Variants in NODAL observed in about 807,000 individuals in gnomAD.
NODAL encodes the protein nodal growth differentiation factor.
A neutral mutation model predicts 34.0 loss-of-function variants in NODAL; 12 were observed. The ratio of observed to expected loss-of-function variants is 0.35; its 90% CI spans 0.23 to 0.57. The LOEUF is 0.57. NODAL is among the 20% of genes least tolerant of loss of function. The pLI is 0.83. For missense variants in NODAL, 390 were observed against 444.2 expected, an observed-to-expected ratio of 0.88 and a Z score of 1.10; for synonymous variants, 162 against 186.4, an observed-to-expected ratio of 0.87 and a Z score of 1.07.
Position 70,432,259 on chromosome 10 carries a change from G to T in NODAL, c.*677C>A, listed in dbSNP as rs184218697. ...ATGTCTTCTGTAACCCAACATGGCCGGTCCTCTTGGATGAGTTCCTGCCTC... is the reference window on the plus strand; with the variant it reads ...ATGTCTTCTGTAACCCAACATGGCCTGTCCTCTTGGATGAGTTCCTGCCTC... On this transcript the variant is annotated 3_prime_UTR_variant, in exon 3 of 3. Coordinates refer to ENST00000287139, the MANE Select transcript of NODAL (RefSeq NM_018055.5). 6.5e-6 allele frequency: 1 copy of T among 154,472 alleles called. No homozygotes were observed. Among genetic ancestry groups the T allele is most frequent in the Non-Finnish European group, 1.4e-5 (1 of 69,518 alleles). 9.6% of individuals were successfully genotyped at this position (154,472 alleles called of 1,614,324 possible). A position where few individuals can be genotyped will look rare whatever the true frequency, so the allele number is the denominator to read the frequency against.
upstream of NODAL, chr10:70,441,765 T>A: frequency 7.9e-7 from 1 of 1,270,498 alleles, no homozygotes; most frequent in Non-Finnish European, 1.1e-6. Context: ...GGGGAAGCTT[T>A]AAGATCATAT....
chr10:70,444,757 C>T (rs1348473969), upstream of NODAL, among the ~76,000 whole-genome samples: 3 of 152,168 alleles, frequency 2.0e-5, no homozygotes, highest in East Asian at 5.8e-4. Flanking sequence ...CCCATGTAGA[C>T]TAAACGAAAT....
intron 2 of NODAL, among the ~76,000 whole-genome samples, chr10:70,434,218 A>G (rs2231949): frequency 2.0e-5 from 3 of 152,132 alleles, no homozygotes; most frequent in East Asian, 3.9e-4. Flanking sequence ...AGGGCCACCT[A>G]TAACATCAGA....
chr10:70,444,669 T>C (rs1845469040), upstream of NODAL, among the ~76,000 whole-genome samples: 1 of 152,214 alleles, frequency 6.6e-6, no homozygotes, highest in Non-Finnish European at 1.5e-5. Context: ...CCACATGGGC[T>C]AGGGTTCTTG....
chr10:70,442,502 T>C (rs980658966), upstream of NODAL, among the ~76,000 whole-genome samples: 3 of 152,320 alleles, frequency 2.0e-5, no homozygotes, highest in East Asian at 3.9e-4. Context: ...CAGCTTTCCT[T>C]ATTTGCACAA....
Position 70,432,751 on chromosome 10 carries a change from T to C in NODAL, c.*185A>G. On this transcript the variant is annotated 3_prime_UTR_variant, in exon 3 of 3. Coordinates refer to ENST00000287139, the MANE Select transcript of NODAL (RefSeq NM_018055.5). ...TCCCTCTTCCTGACAGCAGCCTCTG[T>C]GCTTGGCCAGACTCCACTGAGCCCT... 3.0e-6 allele frequency: 2 copies of C among 675,500 alleles called. No individual in the cohort carries two copies. The highest frequency in any genetic ancestry group is 5.3e-6 in the Non-Finnish European group (2 of 379,048). The allele number at this position is 675,500 out of a possible 1,614,324, so 41.8% of individuals were successfully genotyped here.
chr10:70,441,801 A>G, upstream of NODAL: 1 of 930,862 alleles, frequency 1.1e-6, no homozygotes, highest in Non-Finnish European at 1.6e-6. Flanking sequence ...GGTGGGGGGC[A>G]GAGAGACCTC....
At chr10:70,446,732 C>A (rs151230022) in intron 1 of NODAL, among the ~76,000 whole-genome samples, 2 of 151,998 alleles carry the variant, frequency 1.3e-5, no homozygotes, top group Non-Finnish European at 2.9e-5. Context: ...ATGTTCTGTG[C>A]GGAAAGCCTT....
At chr10:70,442,320 C>CGGG (rs1193201585), upstream of NODAL, among the ~76,000 whole-genome samples, 1 of 152,242 alleles carries the variant, frequency 6.6e-6, no homozygotes, top group Admixed American at 6.5e-5. Context: ...ATGGAGCCAA[C>CGGG]GGGGTGATCC....
At position 70,435,301 on chromosome 10, in the gene NODAL, G is replaced by T; in HGVS notation, c.876C>A (p.Asn292Lys). Residue 292 changes from asparagine to lysine, a missense_variant, in exon 2 of 3, where the codon AAC becomes AAA. Transcript: ENST00000287139. ...NPVGEEFHPT[N>K]HAYIQSLLKR... ...GGCATCCCACCTGGATGTATGCATG[G>T]TTGGTCGGATGAAACTCCTCCCCAA... The T allele has an allele frequency of 6.2e-7, 1 of 1,611,288 alleles. No individual in the cohort carries two copies. Among genetic ancestry groups the T allele is most frequent in the Non-Finnish European group, 8.5e-7 (1 of 1,178,682 alleles).
rs781458734 is a variant in NODAL, at chr10:70,435,478, C to T, written c.699G>A (p.Lys233=). ...QEGQLSWEWG[K]RHRRHHLPDR... ...CTGGCAAGTGATGTCGACGGTGCCTCTTGCCCCACTCCCAGGACAGCTGTC... is the reference window on the plus strand; with the variant it reads ...CTGGCAAGTGATGTCGACGGTGCCTTTTGCCCCACTCCCAGGACAGCTGTC... Residue 233 remains lysine (K), a synonymous_variant, in exon 2 of 3, where the codon AAG becomes AAA. Transcript: ENST00000287139. 5 of 1,614,114 alleles carry T rather than the reference C, an allele frequency of 3.1e-6. No homozygotes were observed. In the African/African-American group the frequency reaches 4.0e-5, roughly 13 times the overall value.
intron 1 of NODAL, among the ~76,000 whole-genome samples, chr10:70,439,831 C>A (rs944234105): frequency 1.4e-4 from 22 of 152,234 alleles, no homozygotes; most frequent in Non-Finnish European, 2.4e-4. Context: ...AATCCCAACA[C>A]CTTGGGAGGC....
At position 70,441,473 on chromosome 10, in the gene NODAL, A is replaced by G; in HGVS notation, c.193+2T>C. 1 of 1,576,400 alleles carries G rather than the reference A, an allele frequency of 6.3e-7. No homozygotes were observed. The highest frequency in any genetic ancestry group is 8.6e-7 in the Non-Finnish European group (1 of 1,163,586). On this transcript the variant is annotated splice_donor_variant, in intron 1 of 2. Transcript: ENST00000287139. LOFTEE classifies it high-confidence loss of function. ...CAGGGCGCGGCACGCGGCACTGCCT[A>G]CCTTCTGCCTGTAGGCTGCGGATGA...
rs1195795425 is a variant in NODAL at position 70,435,387 on chromosome 10, A to C, written c.790T>G (p.Trp264Gly). ...VDFNLIGWGS[W>G]IIYPKQYNAY... ...TTGTACTGCTTGGGGTAGATGATCC[A>C]GGAGCCCCATCCGATCAGGTTGAAG... is the stretch of plus-strand genomic sequence containing the variant. The change falls in exon 2 of 3, where the codon TGG (tryptophan) becomes GGG (glycine). Residue 264 changes from tryptophan (W) to glycine (G), a missense_variant. Transcript: ENST00000287139. 6.2e-7 allele frequency: 1 copy of C among 1,614,166 alleles called. No homozygotes were observed. The highest frequency in any genetic ancestry group is 2.2e-5 in the East Asian group (1 of 44,882).
intron 2 of NODAL, 87 bp downstream of exon 2, chr10:70,435,199 G>C (rs1040353109): frequency 8.5e-6 from 10 of 1,179,936 alleles, no homozygotes; most frequent in Non-Finnish European, 1.2e-5. Flanking sequence ...GTGAATACAG[G>C]AACATAGTCA....
intron 2 of NODAL, 65 bp from the exon 3 acceptor site, chr10:70,433,153 G>C (rs1357406665): frequency 6.3e-7 from 1 of 1,586,232 alleles, no homozygotes; most frequent in African/African-American, 1.3e-5. Flanking sequence ...AGTATTTCTG[G>C]GTAAAGAGTA....
intron 1 of NODAL, 118 bp downstream of exon 1, chr10:70,441,357 T>C (rs1845428058): frequency 8.3e-7 from 1 of 1,205,140 alleles, no homozygotes. Context: ...CCCGGGCGGC[T>C]GCAAACCCGG....
At chr10:70,442,288 G>A (rs1845441323), upstream of NODAL, among the ~76,000 whole-genome samples, 1 of 152,246 alleles carries the variant, frequency 6.6e-6, no homozygotes, top group Non-Finnish European at 1.5e-5. Context: ...AAAAGGGAGT[G>A]TTCAGCAGAA....
At chr10:70,441,160 C>A (rs1305755425) in intron 1 of NODAL, among the ~76,000 whole-genome samples, 1 of 152,268 alleles carries the variant, frequency 6.6e-6, no homozygotes, top group Non-Finnish European at 1.5e-5. Flanking sequence ...GAAGCTCCCA[C>A]CCTTCCGCGC....
Sources: gnomAD v4.1 joint callset for allele counts (sites outside exome capture counted in the v4.1 genomes callset) on GRCh38, gnomAD v4.1.1 for gene constraint, MANE v1.5 for transcripts, NCBI Gene and HGNC (gene_info 2026-07-23, HGNC 2026-07-21) for gene names.